The following NHERF1 variants were observed in gnomAD, a reference collection of about 807,000 sequenced individuals.
NHERF1 encodes NHERF family PDZ scaffold protein 1, also known as Na(+)/H(+) exchange regulatory cofactor NHE-RF1.
At chr17:74,758,000 G>A in the NHERF1 span, among the ~76,000 whole-genome samples, 4 of 152,230 alleles carry the variant, frequency 2.6e-5, no homozygotes, top group African/African-American at 9.6e-5. Flanking sequence ...CTCGAAGGAA[G>A]CGGGCTGGGC....
chr17:74,748,782 C>A, the NHERF1 span: 1 of 1,400,004 alleles, frequency 7.1e-7, no homozygotes, highest in Non-Finnish European at 9.8e-7. This position sits in a 1 kb window ranked among gnomAD's most constrained non-coding sequence, Gnocchi z 4.3. Flanking sequence ...GGAAGAAGGG[C>A]TGGGCCGTCC....
At chr17:74,758,990 ACCT>A in the NHERF1 span, among the ~76,000 whole-genome samples, 1 of 152,002 alleles carries the variant, frequency 6.6e-6, no homozygotes, top group Non-Finnish European at 1.5e-5. The surrounding 1 kb of genome is among the most constrained non-coding windows in gnomAD (Gnocchi z 4.3). Flanking sequence ...TGGCACTGAC[ACCT>A]CCTGGAGACA....
chr17:74,749,288 G>C, the NHERF1 span: 8 of 1,527,924 alleles, frequency 5.2e-6, no homozygotes, highest in South Asian at 8.4e-5. The surrounding 1 kb of genome is among the most constrained non-coding windows in gnomAD (Gnocchi z 5.6). Context: ...CCCGGAGCAG[G>C]TAAGCGGGGC....
the NHERF1 span, among the ~76,000 whole-genome samples, chr17:74,766,426 C>T: frequency 6.6e-6 from 1 of 152,072 alleles, no homozygotes. Context: ...TGGTCTCAAA[C>T]TCCTAACCTC....
chr17:74,768,711 T>G, the NHERF1 span: 1 of 1,494,586 alleles, frequency 6.7e-7, no homozygotes, highest in South Asian at 1.1e-5. Flanking sequence ...CCACCCCACC[T>G]TTTTCCTTCT....
chr17:74,768,245 G>C, the NHERF1 span: 9 of 1,602,446 alleles, frequency 5.6e-6, no homozygotes, highest in Non-Finnish European at 7.7e-6. Flanking sequence ...AGGTAGGCCA[G>C]CCATGCGGGG....
chr17:74,762,721 C>T, the NHERF1 span, among the ~76,000 whole-genome samples: 1 of 152,166 alleles, frequency 6.6e-6, no homozygotes, highest in Admixed American at 6.5e-5. The surrounding 1 kb of genome is among the most constrained non-coding windows in gnomAD (Gnocchi z 4.2). Flanking sequence ...CCACGCCTGG[C>T]TAATGTTTGC....
chr17:74,749,423 G>T, the NHERF1 span: 1 of 846,086 alleles, frequency 1.2e-6, no homozygotes, highest in Non-Finnish European at 1.8e-6. The surrounding 1 kb of genome is among the most constrained non-coding windows in gnomAD (Gnocchi z 5.6). Context: ...GACCGCTTCC[G>T]CCCGCCGACC....
the NHERF1 span, among the ~76,000 whole-genome samples, chr17:74,752,767 C>T: frequency 6.6e-6 from 1 of 152,184 alleles, no homozygotes; most frequent in African/African-American, 2.4e-5. Context: ...CCTCTTTGTC[C>T]TTACATCTTT....
chr17:74,768,696 G>C, the NHERF1 span: 40 of 1,584,542 alleles, frequency 2.5e-5, no homozygotes, highest in South Asian at 3.9e-4. Flanking sequence ...GGCCGAGCCA[G>C]CATTCCACCC....
chr17:74,754,673 T>C, the NHERF1 span, among the ~76,000 whole-genome samples: 1 of 152,056 alleles, frequency 6.6e-6, no homozygotes, highest in East Asian at 1.9e-4. Context: ...GAGATGGGGT[T>C]TCACCACATT....
chr17:74,754,768 C>T, the NHERF1 span, among the ~76,000 whole-genome samples: 1 of 152,184 alleles, frequency 6.6e-6, no homozygotes, highest in Non-Finnish European at 1.5e-5. Context: ...CATGAGCCAC[C>T]ACACCCAGCC....
the NHERF1 span, chr17:74,769,264 C>T: frequency 6.6e-5 from 10 of 152,476 alleles, no homozygotes; most frequent in African/African-American, 2.4e-4. Flanking sequence ...CTGGGCAGCA[C>T]GGGGAGGGTT....
At chr17:74,757,949 A>G in the NHERF1 span, among the ~76,000 whole-genome samples, 1 of 151,552 alleles carries the variant, frequency 6.6e-6, no homozygotes, top group Non-Finnish European at 1.5e-5. Context: ...TGGTCTTCCT[A>G]CTCCTCCAGC....
the NHERF1 span, among the ~76,000 whole-genome samples, chr17:74,755,866 G>A: frequency 6.6e-6 from 1 of 152,056 alleles, no homozygotes. Flanking sequence ...ATGTACAATA[G>A]CTCAATTGTT....
At chr17:74,760,712 C>T in the NHERF1 span, among the ~76,000 whole-genome samples, 2 of 152,216 alleles carry the variant, frequency 1.3e-5, no homozygotes, top group Non-Finnish European at 2.9e-5. This position sits in a 1 kb window ranked among gnomAD's most constrained non-coding sequence, Gnocchi z 4.5. Flanking sequence ...CATTAGTATT[C>T]ACAACAATGG....
chr17:74,758,481 G>A, the NHERF1 span, among the ~76,000 whole-genome samples: 2 of 152,204 alleles, frequency 1.3e-5, no homozygotes, highest in Non-Finnish European at 2.9e-5. This position sits in a 1 kb window ranked among gnomAD's most constrained non-coding sequence, Gnocchi z 4.3. Context: ...CGGCTGCATG[G>A]CCTCATGTTC....
chr17:74,757,979 G>A, the NHERF1 span, among the ~76,000 whole-genome samples: 1 of 152,232 alleles, frequency 6.6e-6, no homozygotes, highest in South Asian at 2.1e-4. Context: ...CTGGGGTCCT[G>A]AGCTAGCTGG....
the NHERF1 span, among the ~76,000 whole-genome samples, chr17:74,751,259 C>T: frequency 1.3e-5 from 2 of 152,342 alleles, no homozygotes; most frequent in East Asian, 1.9e-4. This position sits in a 1 kb window ranked among gnomAD's most constrained non-coding sequence, Gnocchi z 4.3. Flanking sequence ...CCTCTCCTCT[C>T]AATCCTGTGT....
Sources: allele counts gnomAD v4.1 joint callset (sites outside exome capture counted in the v4.1 genomes callset), GRCh38; gene constraint gnomAD v4.1.1; non-coding constraint Gnocchi (gnomAD v3.1); transcripts MANE v1.5; gene names NCBI Gene and HGNC (gene_info 2026-07-23, HGNC 2026-07-21).